EIF3E: variants seen among roughly 807,000 people sequenced by gnomAD.
EIF3E encodes eukaryotic translation initiation factor 3 subunit E, also known as eIF-3 p48.
A neutral mutation model predicts 59.3 loss-of-function variants in EIF3E; 25 were observed. The ratio of observed to expected loss-of-function variants is 0.42; its 90% CI spans 0.31 to 0.59. The LOEUF (loss-of-function observed/expected upper bound fraction) is 0.59, where lower values mean the gene tolerates loss of function less well. Among genes scored for constraint, EIF3E ranks in the 20% least tolerant of loss-of-function variants. The pLI is 0.15. For synonymous variants in EIF3E, 176 were observed against 170.2 expected (o/e 1.03, Z -0.26); for missense variants, 317 against 534.3 (o/e 0.59, Z 4.01).
At chr8:108,206,375 T>C (rs534743223) in intron 10 of EIF3E, among the ~76,000 whole-genome samples, 3 of 152,132 alleles carry the variant, frequency 2.0e-5, no homozygotes, top group South Asian at 2.1e-4. Flanking sequence ...GACCTATGTA[T>C]GTGAAATGCA....
chr8:108,231,792 CCAAA>C (rs1252285421), intron 5 of EIF3E: 3 of 151,950 alleles, frequency 2.0e-5, no homozygotes, highest in East Asian at 3.9e-4. Context: ...AAGTTTCACA[CCAAA>C]CAGAGTGTAC....
chr8:108,211,576 T>C (rs1311551475), intron 10 of EIF3E, among the ~76,000 whole-genome samples: 3 of 152,138 alleles, frequency 2.0e-5, no homozygotes, highest in Non-Finnish European at 4.4e-5. Flanking sequence ...TTCTTTTGTC[T>C]TTCTAACCCA....
chr8:108,209,538 T>A (rs1467842392), intron 10 of EIF3E, among the ~76,000 whole-genome samples: 1 of 152,138 alleles, frequency 6.6e-6, no homozygotes, highest in Non-Finnish European at 1.5e-5. Flanking sequence ...TTATTTAATA[T>A]CCGCTTCTTC....
chr8:108,214,019 A>T (rs1297013160), intron 10 of EIF3E, among the ~76,000 whole-genome samples: 1 of 152,214 alleles, frequency 6.6e-6, no homozygotes, highest in Non-Finnish European at 1.5e-5. Context: ...TCATTTTTCA[A>T]ACTGTAATGT....
chr8:108,225,879 T>C (rs1815507381), intron 7 of EIF3E, among the ~76,000 whole-genome samples: 1 of 146,680 alleles, frequency 6.8e-6, no homozygotes, highest in African/African-American at 2.8e-5. Context: ...AATTTTGTTT[T>C]CAAAGTTACT....
At chr8:108,214,463 A>T in intron 10 of EIF3E, 144 bp downstream of exon 10, 1 of 687,742 alleles carries the variant, frequency 1.5e-6, no homozygotes, top group Non-Finnish European at 2.3e-6. Flanking sequence ...AAATAATTTT[A>T]TCAAATTGTT....
chr8:108,201,948 C>T (rs748345463), intron 12 of EIF3E, 25 bp from the exon 13 acceptor site: 2 of 1,555,020 alleles, frequency 1.3e-6, no homozygotes, highest in Non-Finnish European at 1.7e-6. Flanking sequence ...AAGAAATCAA[C>T]ACCGTGAAAA....
chr8:108,233,578 T>C (rs1360928470), intron 5 of EIF3E: 2 of 268,268 alleles, frequency 7.5e-6, no homozygotes, highest in East Asian at 1.4e-4. Context: ...CAGAGGCTCA[T>C]GGCTGTAAAT....
At chr8:108,231,097 CA>C (rs1354301538) in intron 5 of EIF3E, among the ~76,000 whole-genome samples, 1 of 152,022 alleles carries the variant, frequency 6.6e-6, no homozygotes, top group African/African-American at 2.4e-5. Flanking sequence ...TGTAGCCACA[CA>C]AGTACACAAA....
At chr8:108,246,734 C>G (rs1249635287) in intron 1 of EIF3E, among the ~76,000 whole-genome samples, 1 of 152,178 alleles carries the variant, frequency 6.6e-6, no homozygotes, top group Non-Finnish European at 1.5e-5. Context: ...TTTACTCCTC[C>G]TCCTCAGCCT....
rs905770439 is a variant in EIF3E at position 108,239,861 on chromosome 8, T to G, written c.323+97A>C. 5.1e-6 allele frequency: 5 copies of G among 978,760 alleles called. No homozygotes were observed. In the African/African-American group the frequency reaches 8.1e-5, roughly 16 times the overall value. The allele number at this position is 978,760 out of a possible 1,614,324, so 60.6% of individuals were successfully genotyped here. On this transcript the variant is annotated intron_variant, in intron 3 of 12. Transcript: ENST00000220849. ...ATGAATAAAGCACTCATTTAAACCA[T>G]GAACTTTTACTATGGGATACTGGAT...
chr8:108,211,076 T>C (rs1449716657), intron 10 of EIF3E, among the ~76,000 whole-genome samples: 4 of 152,248 alleles, frequency 2.6e-5, no homozygotes, highest in Non-Finnish European at 5.9e-5. Context: ...CGTGTCTTTA[T>C]AGCAGCATGA....
chr8:108,230,251 C>T (rs937821708), intron 5 of EIF3E, among the ~76,000 whole-genome samples: 1 of 152,142 alleles, frequency 6.6e-6, no homozygotes, highest in Non-Finnish European at 1.5e-5. Flanking sequence ...AATTCTGTCT[C>T]TACCACTTAA....
intron 3 of EIF3E, 50 bp from the exon 4 acceptor site, chr8:108,236,253 A>C (rs778094896): frequency 3.6e-5 from 53 of 1,461,504 alleles, no homozygotes; most frequent in Non-Finnish European, 5.0e-5. Flanking sequence ...CACAGAAAAC[A>C]AAATAAGCAT....
intron 12 of EIF3E, among the ~76,000 whole-genome samples, 172 bp downstream of exon 12, chr8:108,202,811 T>C (rs1459537956): frequency 1.3e-5 from 2 of 152,094 alleles, no homozygotes; most frequent in African/African-American, 2.4e-5. Context: ...CTATGTTTAA[T>C]GCATATAATA....
chr8:108,204,052 G>GA (rs749746105), intron 10 of EIF3E, among the ~76,000 whole-genome samples: 1 of 151,994 alleles, frequency 6.6e-6, no homozygotes, highest in Non-Finnish European at 1.5e-5. Flanking sequence ...AAGTATATGA[G>GA]ATAACATGCA....
chr8:108,230,827 C>T (rs1043046616), intron 5 of EIF3E, among the ~76,000 whole-genome samples: 14 of 152,076 alleles, frequency 9.2e-5, no homozygotes, highest in African/African-American at 3.4e-4. Flanking sequence ...GAATGAAATA[C>T]TACTGAGCAA....
chr8:108,225,334 G>A (rs941511175), intron 7 of EIF3E, among the ~76,000 whole-genome samples: 8 of 151,470 alleles, frequency 5.3e-5, no homozygotes, highest in African/African-American at 1.5e-4. Flanking sequence ...GCTTAAACCC[G>A]TTTCTATGGG....
intron 1 of EIF3E, chr8:108,242,415 A>G (rs1246488410): frequency 7.8e-7 from 1 of 1,289,292 alleles, no homozygotes; most frequent in South Asian, 1.2e-5. Flanking sequence ...AAAAAAGCAT[A>G]ATTTAACCTA....
Sources: gnomAD v4.1 joint callset for allele counts (sites outside exome capture counted in the v4.1 genomes callset) on GRCh38, gnomAD v4.1.1 for gene constraint, MANE v1.5 for transcripts, NCBI Gene and HGNC (gene_info 2026-07-23, HGNC 2026-07-21) for gene names.